The following RABL2A variants were observed in gnomAD, a reference collection of about 807,000 sequenced individuals.
RABL2A encodes rab-like protein 2A.
RABL2A carries 17 observed loss-of-function variants against 30.7 expected under a neutral mutation model. The observed-to-expected ratio is 0.55, with a 90% CI of 0.38 to 0.83. The LOEUF (loss-of-function observed/expected upper bound fraction) is 0.83, where lower values mean the gene tolerates loss of function less well. RABL2A is among the 40% of genes least tolerant of loss of function. The pLI is 0.00. For missense variants in RABL2A, 155 were observed against 272.6 expected (o/e 0.57, Z 3.04); for synonymous variants, 64 against 101.8 (o/e 0.63, Z 2.24).
Position 113,643,262 on chromosome 2 carries a change from C to T in RABL2A, c.*1133C>T, listed in dbSNP as rs1372948759. ...AGGAGAGCTAGCAGATATGCCTGTT[C>T]ACCCCTCTCTGGTACTTGTGGCTTG... On this transcript the variant is annotated 3_prime_UTR_variant, in exon 9 of 9. Coordinates refer to ENST00000683472, the MANE Select transcript of RABL2A (RefSeq NM_001306158.2). 2 of 365,924 alleles carry T rather than the reference C, an allele frequency of 5.5e-6. No homozygotes were observed. Among genetic ancestry groups the T allele is most frequent in the African/African-American group, 2.2e-5 (1 of 45,778 alleles). 22.7% of individuals were successfully genotyped at this position (365,924 alleles called of 1,614,324 possible). A position where few individuals can be genotyped will look rare whatever the true frequency, so the allele number is the denominator to read the frequency against.
rs1156341159 is a variant in RABL2A at position 113,640,893 on chromosome 2, G to C, written c.298-1G>C. 6.2e-7 allele frequency: 1 copy of C among 1,613,924 alleles called. No homozygotes were observed. The highest frequency in any genetic ancestry group is 8.5e-7 in the Non-Finnish European group (1 of 1,179,858). ...TATCTTTCTTCCTCTGCCCTTTGCA[G>C]GTGTTTGATATACAGAGGAAAGTCA... On this transcript the variant is annotated splice_acceptor_variant, in intron 5 of 8. Coordinates refer to ENST00000683472, the MANE Select transcript of RABL2A (RefSeq NM_001306158.2). LOFTEE classifies it high-confidence loss of function.
Position 113,642,412 on chromosome 2 carries a change from A to G in RABL2A, c.*283A>G. The G allele has an allele frequency of 2.7e-5, 15 of 560,774 alleles. No individual in the cohort carries two copies. The highest frequency in any genetic ancestry group is 3.6e-5 in the Non-Finnish European group (12 of 330,086). The allele number at this position is 560,774 out of a possible 1,614,324, so 34.7% of individuals were successfully genotyped here. A position where few individuals can be genotyped will look rare whatever the true frequency, so the allele number is the denominator to read the frequency against. On this transcript the variant is annotated 3_prime_UTR_variant, in exon 9 of 9. Transcript: ENST00000683472. ...CCCCCTCCCCCCAGGCAGACAGTGA[A>G]GAGAATCAGAAAACATGATTATGTG...
intron 5 of RABL2A, among the ~76,000 whole-genome samples, chr2:113,635,883 G>T (rs1682475503): frequency 6.7e-6 from 1 of 149,596 alleles, no homozygotes; most frequent in African/African-American, 2.5e-5. Context: ...AAGATGGGTG[G>T]ATCACCTGAG....
rs1192655324 is a variant in RABL2A, at chr2:113,627,279, G to C, written c.-175G>C. The C allele has an allele frequency of 1.5e-5, 2 of 134,086 alleles. No homozygotes were observed. Among genetic ancestry groups the C allele is most frequent in the African/African-American group, 6.5e-5 (2 of 30,924 alleles). The allele number at this position is 134,086 out of a possible 1,614,324, so 8.3% of individuals were successfully genotyped here. On this transcript the variant is annotated 5_prime_UTR_variant, in exon 1 of 9. Transcript: ENST00000683472. ...GCGGGGCGAGCCGGAAGTGGAGTGC[G>C]CTGCGGTGCGAGCTGGGCCGGCGGG...
chr2:113,637,400 A>G (rs1310885751), intron 5 of RABL2A: 78 of 1,052,688 alleles, frequency 7.4e-5, no homozygotes, highest in Non-Finnish European at 8.9e-5. Context: ...CTTCCACAAC[A>G]TGGACTGTCT....
chr2:113,639,031 C>G (rs1314620811), intron 5 of RABL2A, among the ~76,000 whole-genome samples: 2 of 152,026 alleles, frequency 1.3e-5, no homozygotes, highest in Non-Finnish European at 1.5e-5. Flanking sequence ...GCCTGTAATC[C>G]CAGAAATTTG....
At chr2:113,639,785 G>A (rs1477392905) in intron 5 of RABL2A, among the ~76,000 whole-genome samples, 1 of 151,752 alleles carries the variant, frequency 6.6e-6, no homozygotes, top group East Asian at 1.9e-4. Flanking sequence ...GAACACAGAA[G>A]GCAAAGGTTG....
chr2:113,636,386 A>C (rs77509173), intron 5 of RABL2A, among the ~76,000 whole-genome samples: 859 of 78,740 alleles, frequency 0.011, 7 homozygotes, highest in African/African-American at 0.028. Context: ...GCATCTCCCC[A>C]CACACACACT....
chr2:113,637,770 T>G (rs1559189472), intron 5 of RABL2A: 1 of 1,282,994 alleles, frequency 7.8e-7, no homozygotes, highest in Admixed American at 2.4e-5. Context: ...CAGTGGCATT[T>G]GGTATTTTGA....
In RABL2A at chr2:113,627,304, G is replaced by C. The variant is rs527779749; in HGVS notation, c.-150G>C. The C allele has an allele frequency of 8.9e-6, 1 of 112,070 alleles. No homozygotes were observed. The highest frequency in any genetic ancestry group is 4.4e-5 in the African/African-American group (1 of 22,532). The allele number at this position is 112,070 out of a possible 1,614,324, so 6.9% of individuals were successfully genotyped here. ...GCTGCGGTGCGAGCTGGGCCGGCGG[G>C]GTGGTTCGAGAGCGCGCAGAGTCCA... On this transcript the variant is annotated 5_prime_UTR_variant, in exon 1 of 9. Coordinates refer to ENST00000683472, the MANE Select transcript of RABL2A (RefSeq NM_001306158.2).
chr2:113,639,497 C>T lies in RABL2A; in HGVS notation c.298-1397C>T, dbSNP rs558656913. 5.3e-5 allele frequency among the ~76,000 whole-genome samples: 8 copies of T among 151,864 alleles called. No individual in the cohort carries two copies. In the South Asian group the frequency reaches 1.7e-3, roughly 32 times the overall value. ...ATTAGCCAGGCATGGTGGTGCGCAC[C>T]TGTAATCCCAGCTACTCCGGAGGCT... is the stretch of plus-strand genomic sequence containing the variant. On this transcript the variant is annotated intron_variant, in intron 5 of 8. Coordinates refer to ENST00000683472, the MANE Select transcript of RABL2A (RefSeq NM_001306158.2).
At chr2:113,629,076 G>C (rs887305932) in intron 2 of RABL2A, among the ~76,000 whole-genome samples, 11 of 151,508 alleles carry the variant, frequency 7.3e-5, no homozygotes, top group Admixed American at 2.0e-4. Flanking sequence ...TGGTAAAGAT[G>C]CTTTCTTGGA....
Position 113,642,445 on chromosome 2 carries a change from A to G in RABL2A, c.*316A>G, listed in dbSNP as rs140172231. On this transcript the variant is annotated 3_prime_UTR_variant, in exon 9 of 9. Coordinates refer to ENST00000683472, the MANE Select transcript of RABL2A (RefSeq NM_001306158.2). ...AGAAAACATGATTATGTGTCACTTT[A>G]ATACAGGAAATTTAGGTGTTTTTTG... The G allele has an allele frequency of 0.017, 7,161 of 420,164 alleles. 88 individuals carry two copies. The highest frequency in any genetic ancestry group is 0.02 in the Non-Finnish European group (4,590 of 232,836). The allele number at this position is 420,164 out of a possible 1,614,324, so 26.0% of individuals were successfully genotyped here. A position where few individuals can be genotyped will look rare whatever the true frequency, so the allele number is the denominator to read the frequency against.
chr2:113,641,743 C>G, intron 7 of RABL2A, 38 bp from the exon 8 acceptor site: 1 of 637,372 alleles, frequency 1.6e-6, no homozygotes, highest in East Asian at 2.8e-5. Context: ...GGGCAGAGTC[C>G]AAGGCACTCT....
intron 5 of RABL2A, 54 bp downstream of exon 5, chr2:113,635,184 G>A (rs1365735592): frequency 4.4e-6 from 7 of 1,576,866 alleles, no homozygotes; most frequent in Non-Finnish European, 6.1e-6. Flanking sequence ...GGCCTGAGGG[G>A]TGAGGGGCCT....
In RABL2A at chr2:113,640,925, G is replaced by C. The variant is rs1684891040; in HGVS notation, c.329G>C (p.Arg110Thr). ...GATATACAGAGGAAAGTCACCTATA[G>C]GAACCTGAGCACCTGGTATACAGAG... ...VFDIQRKVTY[R>T]NLSTWYTELR... is the part of the protein sequence containing the mutation. The change falls in exon 6 of 9, where the codon AGG becomes ACG. Residue 110 changes from arginine (R) to threonine (T), a missense_variant. By Grantham distance (71) the Arg-to-Thr change is moderately conservative. This residue lies in a region of RABL2A where 82 missense variants were observed against 103.2 expected (regional missense o/e 0.79). Coordinates refer to ENST00000683472, the MANE Select transcript of RABL2A (RefSeq NM_001306158.2). 3.7e-6 allele frequency: 6 copies of C among 1,613,830 alleles called. No homozygotes were observed. Among genetic ancestry groups the C allele is most frequent in the East Asian group, 2.2e-5 (1 of 44,880 alleles).
chr2:113,641,269 T>C (rs1001993805), intron 6 of RABL2A, 84 bp from the exon 7 acceptor site: 63 of 1,594,586 alleles, frequency 4.0e-5, no homozygotes, highest in Non-Finnish European at 3.6e-5. Flanking sequence ...TATCCCACTT[T>C]CTGGAATGAA....
chr2:113,640,691 T>A (rs887187013), intron 5 of RABL2A: 6 of 609,470 alleles, frequency 9.8e-6, no homozygotes, highest in South Asian at 7.8e-5. Flanking sequence ...ATAAGATTTT[T>A]AAAAACATTT....
chr2:113,629,504 CA>C (rs1353975590), intron 2 of RABL2A, among the ~76,000 whole-genome samples: 1 of 152,064 alleles, frequency 6.6e-6, no homozygotes, highest in Non-Finnish European at 1.5e-5. Flanking sequence ...TCTTCCCCAC[CA>C]CACAATCACA....
Sources: gnomAD v4.1 joint callset for allele counts (sites outside exome capture counted in the v4.1 genomes callset) on GRCh38, gnomAD v4.1.1 for gene constraint, gnomAD v4.1.1 regional missense constraint, MANE v1.5 for transcripts, NCBI Gene and HGNC (gene_info 2026-07-23, HGNC 2026-07-21) for gene names.